The following PTPN12 variants were observed in gnomAD, a reference collection of about 807,000 sequenced individuals.
The protein encoded by PTPN12 is tyrosine-protein phosphatase non-receptor type 12.
Under a neutral mutation model 97.6 loss-of-function variants are expected in PTPN12, and 29 were observed. That is an observed-to-expected ratio of 0.30 (90% CI 0.22 to 0.41). The LOEUF (loss-of-function observed/expected upper bound fraction) is 0.41, where lower values mean the gene tolerates loss of function less well. PTPN12 is among the 10% of genes least tolerant of loss of function. The pLI, the probability that PTPN12 is intolerant of heterozygous loss-of-function variation, is 1.00. For missense variants in PTPN12, 819 were observed against 926.0 expected, an observed-to-expected ratio of 0.88 and a Z score of 1.50; for synonymous variants, 327 against 300.4, an observed-to-expected ratio of 1.09 and a Z score of -0.91.
chr7:77,578,048 A>G (rs577872781), intron 2 of PTPN12, among the ~76,000 whole-genome samples: 7 of 152,210 alleles, frequency 4.6e-5, no homozygotes, highest in Non-Finnish European at 1.0e-4. Flanking sequence ...ACCAGCCTGC[A>G]TGTAGCCAGC....
intron 1 of PTPN12, among the ~76,000 whole-genome samples, chr7:77,556,103 C>T (rs1282883640): frequency 6.6e-6 from 1 of 152,096 alleles, no homozygotes; most frequent in Admixed American, 6.5e-5. Context: ...CTTTGTCTCC[C>T]AGGCTGGAGT....
intron 4 of PTPN12, among the ~76,000 whole-genome samples, chr7:77,584,493 A>G (rs1325302427): frequency 6.6e-6 from 1 of 152,218 alleles, no homozygotes; most frequent in Admixed American, 6.5e-5. Context: ...GTATTTGTCC[A>G]AACTCGGAGA....
chr7:77,602,132 G>A (rs957421995), intron 8 of PTPN12, among the ~76,000 whole-genome samples: 4 of 151,020 alleles, frequency 2.6e-5, no homozygotes, highest in African/African-American at 9.7e-5. Flanking sequence ...TTGACTTTGG[G>A]GGAATGAACA....
At chr7:77,538,814 A>G (rs1584076415) in intron 1 of PTPN12, 3 of 151,348 alleles carry the variant, frequency 2.0e-5, no homozygotes, top group East Asian at 2.0e-4. Context: ...GCTCCTACGG[A>G]TATTGCGCAA....
At chr7:77,622,496 G>A (rs577499602) in intron 12 of PTPN12, among the ~76,000 whole-genome samples, 2 of 152,236 alleles carry the variant, frequency 1.3e-5, no homozygotes, top group East Asian at 1.9e-4. Flanking sequence ...TAGGCCAGGC[G>A]CAGTGGCTCA....
intron 1 of PTPN12, among the ~76,000 whole-genome samples, chr7:77,549,609 C>A (rs1484658070): frequency 1.3e-5 from 2 of 150,052 alleles, no homozygotes; most frequent in African/African-American, 4.9e-5. Flanking sequence ...GAGATAGGGT[C>A]CTGCTTTGTC....
intron 2 of PTPN12, among the ~76,000 whole-genome samples, chr7:77,573,575 C>T (rs976530771): frequency 3.9e-5 from 6 of 152,194 alleles, no homozygotes; most frequent in African/African-American, 1.2e-4. Flanking sequence ...AATATTCAGA[C>T]CATAGCACCA....
At chr7:77,580,123 T>A (rs1787467920) in intron 2 of PTPN12, among the ~76,000 whole-genome samples, 1 of 152,180 alleles carries the variant, frequency 6.6e-6, no homozygotes, top group South Asian at 2.1e-4. Flanking sequence ...AAATAAAGAA[T>A]GAAACATTCA....
intron 1 of PTPN12, among the ~76,000 whole-genome samples, chr7:77,556,952 TTTTG>T (rs144508899): frequency 0.41 from 62,230 of 150,234 alleles, 14,061 homozygotes; most frequent in East Asian, 0.74. Flanking sequence ...CACCAGGAGT[TTTTG>T]TTTGTTTGTT....
rs1370817706 is a variant in PTPN12, at chr7:77,627,154, A to G, written c.1475A>G (p.Gln492Arg). The part of the protein sequence containing the change: ...SSDLNVGDTS[Q>R]NSCVDCSVTQ... ...GATCTAAATGTCGGTGATACTTCCC[A>G]GAATTCTTGTGTGGACTGCAGTGTA... The change falls in exon 13 of 18, where the codon CAG becomes CGG. Residue 492 changes from glutamine to arginine, a missense_variant. Around this residue, in one of 5 missense-constraint regions of PTPN12, gnomAD observed 607 missense variants for 577.3 expected, o/e 1.05. Transcript: ENST00000248594. The G allele has an allele frequency of 6.2e-7, 1 of 1,614,170 alleles. No homozygotes were observed.
intron 1 of PTPN12, among the ~76,000 whole-genome samples, chr7:77,562,350 G>T (rs1184168572): frequency 2.0e-5 from 3 of 152,108 alleles, no homozygotes; most frequent in Non-Finnish European, 4.4e-5. Flanking sequence ...ACTGCTTCCG[G>T]CCTGCTGTAT....
chr7:77,619,401 C>T (rs181824283), intron 12 of PTPN12, among the ~76,000 whole-genome samples: 9 of 152,078 alleles, frequency 5.9e-5, no homozygotes, highest in African/African-American at 1.2e-4. Context: ...ATCATTCTAA[C>T]GAAATCATCT....
At chr7:77,577,120 G>C (rs1483383368) in intron 2 of PTPN12, among the ~76,000 whole-genome samples, 1 of 152,184 alleles carries the variant, frequency 6.6e-6, no homozygotes, top group East Asian at 1.9e-4. Context: ...GGTCAAGTGA[G>C]TGAGAACAGG....
intron 5 of PTPN12, 42 bp downstream of exon 5, chr7:77,585,623 T>C (rs1313419967): frequency 6.7e-7 from 1 of 1,493,050 alleles, no homozygotes; most frequent in South Asian, 1.2e-5. Context: ...TTTTTACGGA[T>C]AAATATTCTT....
chr7:77,552,668 G>C (rs1275773670), intron 1 of PTPN12, among the ~76,000 whole-genome samples: 2 of 152,124 alleles, frequency 1.3e-5, no homozygotes, highest in Admixed American at 6.5e-5. Flanking sequence ...ATGTACAAAA[G>C]TAAAAATAGG....
chr7:77,558,905 T>A (rs963109162), intron 1 of PTPN12, among the ~76,000 whole-genome samples: 7 of 152,160 alleles, frequency 4.6e-5, no homozygotes, highest in African/African-American at 1.7e-4. Context: ...CTTAGCTACT[T>A]TGGGAAGCTG....
intron 8 of PTPN12, among the ~76,000 whole-genome samples, chr7:77,601,803 T>A (rs908348051): frequency 1.3e-4 from 20 of 152,164 alleles, no homozygotes; most frequent in African/African-American, 4.1e-4. Context: ...ATCATGAAAT[T>A]TTATAATTTA....
rs1009654109 is a variant in PTPN12, at chr7:77,537,599, A to G, written c.53A>G (p.Lys18Arg). 6.2e-7 allele frequency: 1 copy of G among 1,606,522 alleles called. No individual in the cohort carries two copies. Among genetic ancestry groups the G allele is most frequent in the Non-Finnish European group, 8.5e-7 (1 of 1,177,138 alleles). Residue 18 changes from lysine (K) to arginine (R), a missense_variant, in exon 1 of 18, where the codon AAG becomes AGG. Lys to Arg is a conservative substitution (Grantham distance 26, BLOSUM62 2). Coordinates refer to ENST00000248594, the MANE Select transcript of PTPN12 (RefSeq NM_002835.4). ...TTCATCCAGAGGGTCCAGGCCATGA[A>G]GAGTCCTGACCACAATGGGGAGGAC... Reference protein sequence around the residue: ...RKFIQRVQAMKSPDHNGEDNF... With the variant: ...RKFIQRVQAMRSPDHNGEDNF...
chr7:77,614,250 C>T (rs985283047), intron 11 of PTPN12, among the ~76,000 whole-genome samples: 6 of 152,146 alleles, frequency 3.9e-5, no homozygotes, highest in African/African-American at 1.4e-4. Flanking sequence ...TGATAAATAC[C>T]GCATCACCTT....
Sources: gnomAD v4.1 joint callset for allele counts (sites outside exome capture counted in the v4.1 genomes callset) on GRCh38, gnomAD v4.1.1 for gene constraint, gnomAD v4.1.1 regional missense constraint, MANE v1.5 for transcripts, NCBI Gene and HGNC (gene_info 2026-07-23, HGNC 2026-07-21) for gene names.